The following TTYH3 variants were observed in gnomAD, a reference collection of about 807,000 sequenced individuals.
TTYH3 encodes protein tweety homolog 3.
TTYH3 carries 23 observed loss-of-function variants against 68.2 expected under a neutral mutation model. The observed-to-expected ratio is 0.34, with a 90% CI of 0.24 to 0.48. TTYH3 has a LOEUF of 0.48. Ranked by LOEUF, TTYH3 falls within the 20% of genes least tolerant of loss-of-function variation. The pLI, the probability that TTYH3 is intolerant of heterozygous loss-of-function variation, is 0.99. For synonymous variants in TTYH3, 360 were observed against 332.8 expected, an observed-to-expected ratio of 1.08 and a Z score of -0.89; for missense variants, 768 against 727.7, an observed-to-expected ratio of 1.06 and a Z score of -0.64.
At chr7:2,646,503 TGGACTCTGG>T (rs1785987281) in intron 1 of TTYH3, among the ~76,000 whole-genome samples, 1 of 152,210 alleles carries the variant, frequency 6.6e-6, no homozygotes, top group Non-Finnish European at 1.5e-5. Context: ...GCACCTGCCC[TGGACTCTGG>T]GGACCCGGTG....
intron 1 of TTYH3, 47 bp downstream of exon 1, chr7:2,632,325 G>C (rs1340838369): frequency 6.7e-7 from 1 of 1,499,138 alleles, no homozygotes. Context: ...CCCAGGTCAC[G>C]GCCCCCTCCT....
rs901558669 is a variant in TTYH3 at position 2,656,201 on chromosome 7, G to C, written c.1113+17G>C. On this transcript the variant is annotated intron_variant, in intron 10 of 13. Transcript: ENST00000258796. Reference sequence around the variant, plus strand: ...CTGCATCTGGTGAGAGGCAGGGCCTGGGACAGGGCCATGGCAGCTTGTAGG... The same window carrying C: ...CTGCATCTGGTGAGAGGCAGGGCCTCGGACAGGGCCATGGCAGCTTGTAGG... 9.0e-6 allele frequency: 14 copies of C among 1,560,632 alleles called. No homozygotes were observed. Among genetic ancestry groups the C allele is most frequent in the Non-Finnish European group, 1.2e-5 (14 of 1,152,132 alleles).
In TTYH3 at chr7:2,648,073, G is replaced by A. The variant is rs746945658; in HGVS notation, c.722+19G>A. On this transcript the variant is annotated intron_variant, in intron 5 of 13. Coordinates refer to ENST00000258796, the MANE Select transcript of TTYH3 (RefSeq NM_025250.3). ...TGGTGGGGTGAGTCTGGGGGTGTCG[G>A]CCCCCCGTGGGCCCAAAGCGGAGGG... The A allele has an allele frequency of 1.9e-6, 3 of 1,599,898 alleles. No homozygotes were observed. Among genetic ancestry groups the A allele is most frequent in the African/African-American group, 1.3e-5 (1 of 74,884 alleles).
chr7:2,646,941 G>T lies in TTYH3; in HGVS notation c.212G>T (p.Arg71Leu), dbSNP rs370463433. Residue 71 changes from arginine (R) to leucine (L), a missense_variant, in exon 2 of 14, where the codon CGG (arginine) becomes CTG (leucine). By Grantham distance (102) the Arg-to-Leu change is moderately radical. Coordinates refer to ENST00000258796, the MANE Select transcript of TTYH3 (RefSeq NM_025250.3). ...TTCTACTCCTTCTGGCTGTGCTGCC[G>T]GCGGCGCAAGAGCGAGGAGCACCTG... ...LLFYSFWLCC[R>L]RRKSEEHLDA... is the part of the protein sequence containing the mutation. 169 of 1,600,744 alleles carry T rather than the reference G, an allele frequency of 1.1e-4. No homozygotes were observed. Among genetic ancestry groups the T allele is most frequent in the Non-Finnish European group, 1.4e-4 (161 of 1,178,716 alleles).
In TTYH3 at chr7:2,632,146, G is replaced by C. The variant is rs745334669; in HGVS notation, c.-10G>C. The C allele has an allele frequency of 1.9e-4, 271 of 1,416,124 alleles. 3 individuals carry two copies. In the East Asian group the frequency reaches 7.8e-3, roughly 41 times the overall value. The allele number at this position is 1,416,124 out of a possible 1,614,324, so 87.7% of individuals were successfully genotyped here. ...AGGCCGCGCGCATCCGGAGGCGGCC[G>C]GGCCCCGCCATGGCCGGGGTCAGCT... is the stretch of plus-strand genomic sequence containing the variant. On this transcript the variant is annotated 5_prime_UTR_variant, in exon 1 of 14. Coordinates refer to ENST00000258796, the MANE Select transcript of TTYH3 (RefSeq NM_025250.3).
intron 11 of TTYH3, among the ~76,000 whole-genome samples, chr7:2,657,653 T>C (rs1391230504): frequency 6.6e-6 from 1 of 152,142 alleles, no homozygotes; most frequent in Non-Finnish European, 1.5e-5. Context: ...ATTTCCCTCA[T>C]TGTAAGAGGA....
intron 1 of TTYH3, among the ~76,000 whole-genome samples, chr7:2,639,371 G>A (rs573932684): frequency 1.3e-5 from 2 of 152,342 alleles, no homozygotes; most frequent in East Asian, 3.9e-4. Context: ...CCCGGGCCAA[G>A]AGTGCCCTCC....
At chr7:2,642,537 C>CAAAAA (rs34165282) in intron 1 of TTYH3, among the ~76,000 whole-genome samples, 18 of 57,254 alleles carry the variant, frequency 3.1e-4, no homozygotes, top group African/African-American at 6.2e-4. Context: ...GACTCTGTCT[C>CAAAAA]AAAAAAAAAA....
chr7:2,648,081 T>A, intron 5 of TTYH3, 27 bp downstream of exon 5: 1 of 1,596,070 alleles, frequency 6.3e-7, no homozygotes, highest in African/African-American at 1.3e-5. Flanking sequence ...CGGCCCCCCG[T>A]GGGCCCAAAG....
rs1203773791 is a variant in TTYH3 at position 2,663,997 on chromosome 7, C to T, written c.*2258C>T. ...TACTCCATCCCATGACCTCGCCACA[C>T]CTACTGGGGCATCTGGCTGGTGCCT... On this transcript the variant is annotated 3_prime_UTR_variant, in exon 14 of 14. Transcript: ENST00000258796. 6.6e-6 allele frequency: 1 copy of T among 152,496 alleles called. No homozygotes were observed. Among genetic ancestry groups the T allele is most frequent in the African/African-American group, 2.4e-5 (1 of 41,466 alleles). 9.4% of individuals were successfully genotyped at this position (152,496 alleles called of 1,614,324 possible).
chr7:2,646,970 G>A lies in TTYH3; in HGVS notation c.241G>A (p.Ala81Thr), dbSNP rs750725489. The A allele has an allele frequency of 7.5e-6, 12 of 1,595,864 alleles. No homozygotes were observed. The African/African-American group carries it at 9.4e-5, about 12-fold the overall frequency. ...GCGCAAGAGCGAGGAGCACCTGGAC[G>A]CCGACTGCTGCTGCACGGCCTGGTG... ...RRRKSEEHLD[A>T]DCCCTAWCVI... The change falls in exon 2 of 14, where the codon GCC becomes ACC. Residue 81 changes from alanine to threonine, a missense_variant. Ala to Thr is a moderately conservative substitution (Grantham distance 58). Transcript: ENST00000258796.
chr7:2,657,323 ATGG>A (rs1786361628), intron 11 of TTYH3, among the ~76,000 whole-genome samples: 2 of 151,410 alleles, frequency 1.3e-5, no homozygotes, highest in Non-Finnish European at 1.5e-5. Context: ...GGTGATGGTG[ATGG>A]TGGTAATGAT....
intron 4 of TTYH3, 109 bp downstream of exon 4, chr7:2,647,747 G>A: frequency 8.0e-7 from 1 of 1,256,960 alleles, no homozygotes; most frequent in Non-Finnish European, 1.1e-6. Context: ...GGCAGGGTGT[G>A]GCCCAGGGCC....
chr7:2,661,232 G>A (rs916061774), intron 13 of TTYH3, among the ~76,000 whole-genome samples: 2 of 152,196 alleles, frequency 1.3e-5, no homozygotes, highest in African/African-American at 4.8e-5. Context: ...CCTGAGCCCG[G>A]AGGAGGCCTT....
chr7:2,651,963 C>G (rs1490294172), intron 7 of TTYH3, among the ~76,000 whole-genome samples: 1 of 152,194 alleles, frequency 6.6e-6, no homozygotes, highest in Non-Finnish European at 1.5e-5. Flanking sequence ...CAGACACATG[C>G]ACACCGGCAC....
At chr7:2,660,619 C>T (rs1179986107) in intron 13 of TTYH3, 15 of 931,554 alleles carry the variant, frequency 1.6e-5, no homozygotes, top group Middle Eastern at 5.5e-4. Context: ...GACGAGGCTC[C>T]GGGCCGTGGC....
chr7:2,646,823 C>G (rs769733473), intron 1 of TTYH3, 30 bp from the exon 2 acceptor site: 3 of 1,580,012 alleles, frequency 1.9e-6, no homozygotes, highest in Non-Finnish European at 2.6e-6. Context: ...GGGGTCCACC[C>G]CTCCAGCGCC....
chr7:2,651,083 T>C lies in TTYH3; in HGVS notation c.871+1095T>C, dbSNP rs545824908. Among the ~76,000 whole-genome samples, 1,012 of 151,980 alleles carry C rather than the reference T, an allele frequency of 6.7e-3. 6 individuals carry two copies. The highest frequency in any genetic ancestry group is 8.6e-3 in the Admixed American group (131 of 15,272). On this transcript the variant is annotated intron_variant, in intron 7 of 13. Transcript: ENST00000258796. ...TTCGGCCCCCTCGGGAGGTTTGCGA[T>C]GTGTGTCGGACGGCACAGAGGCAGG...
rs1219517187 is a variant in TTYH3 at position 2,632,185 on chromosome 7, G to T, written c.30G>T (p.Trp10Cys). The change falls in exon 1 of 14, where the codon TGG becomes TGT. Residue 10 changes from tryptophan (W) to cysteine (C), a missense_variant. By Grantham distance (215) the Trp-to-Cys change is radical (BLOSUM62 -2). Transcript: ENST00000258796. ...CCGGGGTCAGCTACGCGGCGCCCTG[G>T]TGGGTGAGCCTCCTGCACCGGCTGC... MAGVSYAAP[W>C]WVSLLHRLPH... The T allele has an allele frequency of 6.6e-7, 1 of 1,518,374 alleles. No homozygotes were observed. Among genetic ancestry groups the T allele is most frequent in the East Asian group, 2.6e-5 (1 of 38,678 alleles). 94.1% of individuals were successfully genotyped at this position (1,518,374 alleles called of 1,614,324 possible). A position where few individuals can be genotyped will look rare whatever the true frequency, so the allele number is the denominator to read the frequency against.
Sources: allele counts gnomAD v4.1 joint callset (sites outside exome capture counted in the v4.1 genomes callset), GRCh38; gene constraint gnomAD v4.1.1; transcripts MANE v1.5; gene names NCBI Gene and HGNC (gene_info 2026-07-23, HGNC 2026-07-21).